SUGCT: variants seen among roughly 807,000 people sequenced by gnomAD.
The protein encoded by SUGCT is succinyl-CoA:glutarate-CoA transferase.
In SUGCT, 41 loss-of-function variants were observed where a neutral mutation model predicts 55.0. The ratio of observed to expected loss-of-function variants is 0.74; its 90% CI spans 0.58 to 0.97. SUGCT has a LOEUF of 0.97. SUGCT is among the 50% of genes least tolerant of loss of function. The pLI, the probability that SUGCT is intolerant of heterozygous loss-of-function variation, is 0.00. For synonymous variants in SUGCT, 187 were observed against 200.4 expected (o/e 0.93, Z 0.56); for missense variants, 568 against 547.8 (o/e 1.04, Z -0.37).
chr7:40,952,124 A>G, the SUGCT span, among the ~76,000 whole-genome samples: 1 of 152,116 alleles, frequency 6.6e-6, no homozygotes, highest in Non-Finnish European at 1.5e-5. Context: ...TTGCTTTATG[A>G]ATCTGGGTGC....
intron 1 of SUGCT, among the ~76,000 whole-genome samples, chr7:40,179,020 T>G (rs1418893464): frequency 3.3e-5 from 5 of 152,166 alleles, no homozygotes. Flanking sequence ...ATCATATTTT[T>G]AAGTGTCAAG....
At chr7:40,277,712 A>G (rs186514382) in intron 8 of SUGCT, among the ~76,000 whole-genome samples, 27 of 84,808 alleles carry the variant, frequency 3.2e-4, no homozygotes, top group Admixed American at 2.3e-3. Flanking sequence ...TTATACTTTA[A>G]GTTTTAGGGT....
chr7:40,732,317 G>A (rs1786935352), intron 12 of SUGCT, among the ~76,000 whole-genome samples: 2 of 152,110 alleles, frequency 1.3e-5, no homozygotes, highest in South Asian at 2.1e-4. Context: ...AGAACACTTG[G>A]TGATGGCATT....
chr7:40,548,999 A>C (rs1795158874), intron 12 of SUGCT, among the ~76,000 whole-genome samples: 1 of 152,128 alleles, frequency 6.6e-6, no homozygotes, highest in African/African-American at 2.4e-5. Context: ...GCCCTCACTG[A>C]GCTCTTTCCT....
intron 12 of SUGCT, among the ~76,000 whole-genome samples, chr7:40,700,767 A>C (rs1283580248): frequency 6.6e-6 from 1 of 152,174 alleles, no homozygotes; most frequent in Non-Finnish European, 1.5e-5. Context: ...ATTTTGTTAG[A>C]GGCCAGTAGG....
intron 13 of SUGCT, among the ~76,000 whole-genome samples, chr7:40,821,491 G>A (rs1279984297): frequency 6.6e-6 from 1 of 152,132 alleles, no homozygotes; most frequent in East Asian, 1.9e-4. Flanking sequence ...GTTTAGTCTT[G>A]GGAGGGTGTA....
the SUGCT span, among the ~76,000 whole-genome samples, chr7:40,878,662 T>G: frequency 6.6e-6 from 1 of 152,170 alleles, no homozygotes; most frequent in Non-Finnish European, 1.5e-5. Flanking sequence ...TGTGCAGATG[T>G]CTGGATGGGT....
the SUGCT span, among the ~76,000 whole-genome samples, chr7:41,028,588 C>T: frequency 2.6e-5 from 4 of 152,194 alleles, no homozygotes; most frequent in African/African-American, 9.7e-5. Context: ...ACTTGTACAG[C>T]ATGTTATTGT....
chr7:40,940,928 G>A, the SUGCT span, among the ~76,000 whole-genome samples: 9 of 152,184 alleles, frequency 5.9e-5, no homozygotes, highest in Admixed American at 2.0e-4. Flanking sequence ...AATGGTGAAA[G>A]TGGGTATCCT....
chr7:40,170,241 C>T (rs10228020), intron 1 of SUGCT, among the ~76,000 whole-genome samples: 58,860 of 151,948 alleles, frequency 0.39, 12,798 homozygotes, highest in Middle Eastern at 0.59. Context: ...GCCAGACTCT[C>T]GGGCTGCAGT....
intron 7 of SUGCT, among the ~76,000 whole-genome samples, chr7:40,265,952 A>G (rs1016448053): frequency 5.2e-5 from 7 of 134,524 alleles, no homozygotes; most frequent in East Asian, 4.7e-4. Flanking sequence ...CTCTGTCTCA[A>G]AAAAAACCAC....
intron 12 of SUGCT, among the ~76,000 whole-genome samples, chr7:40,732,842 C>T (rs138517129): frequency 0.021 from 3,245 of 152,196 alleles, 113 homozygotes; most frequent in African/African-American, 0.073. Context: ...GTAATCCCAG[C>T]GCTTTGGGAG....
the SUGCT span, among the ~76,000 whole-genome samples, chr7:40,892,074 T>C: frequency 6.6e-6 from 1 of 152,074 alleles, no homozygotes; most frequent in Admixed American, 6.6e-5. Flanking sequence ...AGAATAACAC[T>C]GTAGAAGTGG....
chr7:40,376,311 G>T (rs1784540071), intron 9 of SUGCT, among the ~76,000 whole-genome samples: 1 of 151,280 alleles, frequency 6.6e-6, no homozygotes. Context: ...ATAATTAGTT[G>T]CCTACTTATT....
At position 40,291,902 on chromosome 7, in the gene SUGCT, A is replaced by C. The variant is rs533160736; in HGVS notation, c.720+17246A>C. ...GCACTCAGCCTCTAGAAGCTTAAAG[A>C]GGCAAGGAAACAGATTCTCACTTGA... On this transcript the variant is annotated intron_variant, in intron 8 of 13. Transcript: ENST00000335693. Among the ~76,000 whole-genome samples, 9 of 152,302 alleles carry C rather than the reference A, an allele frequency of 5.9e-5. No homozygotes were observed. In the South Asian group the frequency reaches 1.9e-3, roughly 32 times the overall value.
At chr7:40,782,451 T>C (rs1296894878) in intron 13 of SUGCT, 2 of 152,172 alleles carry the variant, frequency 1.3e-5, no homozygotes, top group Non-Finnish European at 2.9e-5. Context: ...TTATCTGTGG[T>C]CTATGATATA....
intron 9 of SUGCT, among the ~76,000 whole-genome samples, chr7:40,438,704 A>C (rs1175313928): frequency 6.6e-6 from 1 of 151,932 alleles, no homozygotes; most frequent in Non-Finnish European, 1.5e-5. Context: ...GACAGTCCTG[A>C]CTGTTTACAG....
the SUGCT span, among the ~76,000 whole-genome samples, chr7:41,034,982 C>T: frequency 6.6e-6 from 1 of 152,172 alleles, no homozygotes; most frequent in South Asian, 2.1e-4. Flanking sequence ...TATTTCTCTG[C>T]CCCACAGGCT....
intron 7 of SUGCT, among the ~76,000 whole-genome samples, chr7:40,268,870 C>G (rs2150983306): frequency 6.6e-6 from 1 of 152,300 alleles, no homozygotes; most frequent in East Asian, 1.9e-4. Context: ...AACTCCTGAC[C>G]TCGTGATCCG....
Sources: gnomAD v4.1 joint callset for allele counts (sites outside exome capture counted in the v4.1 genomes callset) on GRCh38, gnomAD v4.1.1 for gene constraint, MANE v1.5 for transcripts, NCBI Gene and HGNC (gene_info 2026-07-23, HGNC 2026-07-21) for gene names.